The following UNC13C variants were observed in gnomAD, a reference collection of about 807,000 sequenced individuals.
UNC13C encodes unc-13 homolog C, also known as protein unc-13 homolog C.
In UNC13C, 174 loss-of-function variants were observed where a neutral mutation model predicts 245.4. That is an observed-to-expected ratio of 0.71 (90% CI 0.63 to 0.80). The LOEUF (loss-of-function observed/expected upper bound fraction) is 0.80. Ranked by LOEUF, UNC13C falls within the 30% of genes least tolerant of loss-of-function variation. The probability of loss-of-function intolerance (pLI) is 0.00; values close to 1 mark genes in which losing one functional copy is unlikely to be tolerated. For missense variants in UNC13C, 2,829 were observed against 2,602.9 expected (o/e 1.09, Z -1.89); for synonymous variants, 992 against 895.1 (o/e 1.11, Z -1.93).
intron 25 of UNC13C, among the ~76,000 whole-genome samples, chr15:54,532,553 TATC>T (rs1431049287): frequency 6.6e-6 from 1 of 152,132 alleles, no homozygotes; most frequent in Non-Finnish European, 1.5e-5. Flanking sequence ...TGGAGGCCGT[TATC>T]ATTAGCAAAC....
At chr15:54,449,134 C>T (rs897657262) in intron 19 of UNC13C, among the ~76,000 whole-genome samples, 8 of 152,226 alleles carry the variant, frequency 5.3e-5, no homozygotes, top group African/African-American at 9.6e-5. Flanking sequence ...GAGTTTCTGC[C>T]GAGAGATCCA....
intron 13 of UNC13C, among the ~76,000 whole-genome samples, chr15:54,315,592 C>G (rs2037987491): frequency 6.6e-6 from 1 of 151,568 alleles, no homozygotes; most frequent in Non-Finnish European, 1.5e-5. Flanking sequence ...CCTAGGTAAT[C>G]TTATCCTTTC....
chr15:54,588,003 A>C (rs1276152858), intron 30 of UNC13C, among the ~76,000 whole-genome samples: 1 of 152,244 alleles, frequency 6.6e-6, no homozygotes, highest in African/African-American at 2.4e-5. Context: ...GAATCATTTT[A>C]GTCTCAGGAA....
intron 17 of UNC13C, among the ~76,000 whole-genome samples, chr15:54,381,486 G>A (rs1194354575): frequency 6.6e-6 from 1 of 152,006 alleles, no homozygotes; most frequent in Non-Finnish European, 1.5e-5. Context: ...CAATTTCTGT[G>A]AAGAATGCCA....
intron 19 of UNC13C, among the ~76,000 whole-genome samples, chr15:54,442,250 C>CTTTTT (rs35414078): frequency 4.7e-5 from 6 of 127,436 alleles, no homozygotes; most frequent in East Asian, 2.3e-4. Flanking sequence ...TGTTCCAGTT[C>CTTTTT]TTTTTTTTTT....
intron 4 of UNC13C, among the ~76,000 whole-genome samples, chr15:54,201,882 T>C (rs138740553): frequency 6.6e-5 from 10 of 152,130 alleles, no homozygotes; most frequent in African/African-American, 2.4e-4. Flanking sequence ...CTGTTACTAT[T>C]TGCTGATGAT....
In UNC13C at chr15:54,605,520, C is replaced by T. The variant is rs185407331; in HGVS notation, c.6107-16807C>T. On this transcript the variant is annotated intron_variant, in intron 30 of 32. Transcript: ENST00000260323. The stretch of plus-strand genomic sequence containing the variant: ...GCTGCATATCAAAACTACCTACAGC[C>T]CTTTTTTAAAAAAAATGTAGCTGCT... Among the ~76,000 whole-genome samples the T allele has an allele frequency of 7.9e-5, 12 of 152,182 alleles. No homozygotes were observed. In the East Asian group the frequency reaches 2.3e-3, roughly 29 times the overall value.
At chr15:53,928,926 T>C in the UNC13C span, among the ~76,000 whole-genome samples, 1 of 152,202 alleles carries the variant, frequency 6.6e-6, no homozygotes, top group Non-Finnish European at 1.5e-5. Flanking sequence ...AAGACAGTGG[T>C]GATGATTACA....
chr15:54,256,649 T>G (rs151111689), intron 8 of UNC13C, among the ~76,000 whole-genome samples: 1 of 152,172 alleles, frequency 6.6e-6, no homozygotes, highest in African/African-American at 2.4e-5. Context: ...GGTGATCAGA[T>G]TAAAATAAAA....
chr15:54,475,143 T>A (rs553593281), intron 19 of UNC13C, among the ~76,000 whole-genome samples: 3 of 152,092 alleles, frequency 2.0e-5, no homozygotes, highest in Non-Finnish European at 4.4e-5. Flanking sequence ...TGCCTGTGCT[T>A]TTGAGGTCTT....
chr15:54,608,268 C>T (rs181338775), intron 30 of UNC13C, among the ~76,000 whole-genome samples: 51 of 152,264 alleles, frequency 3.3e-4, no homozygotes, highest in African/African-American at 1.2e-3. Context: ...TTTATAAGCA[C>T]CAAATATGTG....
intron 19 of UNC13C, among the ~76,000 whole-genome samples, chr15:54,451,844 G>T (rs912890968): frequency 1.3e-5 from 2 of 151,884 alleles, no homozygotes; most frequent in African/African-American, 4.8e-5. Context: ...CATGTTTCTT[G>T]TGTCCTTATC....
At chr15:54,422,928 AAAAG>A (rs563505919) in intron 19 of UNC13C, among the ~76,000 whole-genome samples, 304 of 151,070 alleles carry the variant, frequency 2.0e-3, no homozygotes, top group African/African-American at 6.9e-3. Flanking sequence ...ATCCAAAGCA[AAAAG>A]AAAATACACT....
intron 1 of UNC13C, among the ~76,000 whole-genome samples, chr15:54,004,760 A>C (rs1895060942): frequency 6.6e-6 from 1 of 152,192 alleles, no homozygotes; most frequent in South Asian, 2.1e-4. Context: ...ATGATCAATG[A>C]TATTGAACAC....
the UNC13C span, among the ~76,000 whole-genome samples, chr15:53,857,039 G>T: frequency 4.9e-4 from 74 of 152,034 alleles, no homozygotes; most frequent in African/African-American, 1.7e-3. Context: ...CTCGTGATCT[G>T]CCCACCTCAG....
chr15:54,262,269 G>T (rs1369955597), intron 8 of UNC13C, among the ~76,000 whole-genome samples: 1 of 152,204 alleles, frequency 6.6e-6, no homozygotes, highest in Non-Finnish European at 1.5e-5. Context: ...GCCTTTGAGA[G>T]CATTAATAGC....
At chr15:54,443,665 T>A (rs937147605) in intron 19 of UNC13C, among the ~76,000 whole-genome samples, 5 of 152,108 alleles carry the variant, frequency 3.3e-5, no homozygotes, top group African/African-American at 1.2e-4. Flanking sequence ...ATTGACCCAA[T>A]GATCATTCAG....
At chr15:54,376,990 G>A (rs964306848) in intron 17 of UNC13C, among the ~76,000 whole-genome samples, 1 of 152,190 alleles carries the variant, frequency 6.6e-6, no homozygotes, top group African/African-American at 2.4e-5. Context: ...GCCAGAAAAG[G>A]AGCAGACACA....
At chr15:54,576,143 C>T (rs1033266226) in intron 30 of UNC13C, among the ~76,000 whole-genome samples, 2 of 152,318 alleles carry the variant, frequency 1.3e-5, no homozygotes, top group South Asian at 2.1e-4. Flanking sequence ...CCTGCAAGAC[C>T]AGTAACATTC....
Sources: allele counts gnomAD v4.1 joint callset (sites outside exome capture counted in the v4.1 genomes callset), GRCh38; gene constraint gnomAD v4.1.1; transcripts MANE v1.5; gene names NCBI Gene and HGNC (gene_info 2026-07-23, HGNC 2026-07-21).